The following SPCS1 variants were observed in gnomAD, a reference collection of about 807,000 sequenced individuals.
SPCS1 encodes the protein SPase 12 kDa subunit.
Under a neutral mutation model 16.4 loss-of-function variants are expected in SPCS1, and 10 were observed. The ratio of observed to expected loss-of-function variants is 0.61; its 90% CI spans 0.38 to 1.03. SPCS1 has a LOEUF of 1.03. SPCS1 is among the 50% of genes least tolerant of loss of function. The pLI, the probability that SPCS1 is intolerant of heterozygous loss-of-function variation, is 0.01. For synonymous variants in SPCS1, 47 were observed against 42.5 expected (o/e 1.10, Z -0.41); for missense variants, 118 against 123.8 (o/e 0.95, Z 0.22).
chr3:52,709,850 A>T lies in SPCS1; in HGVS notation c.*2038A>T, dbSNP rs916916404. On this transcript the variant is annotated 3_prime_UTR_variant, in exon 4 of 4. Coordinates refer to ENST00000619898, the MANE Select transcript of SPCS1 (RefSeq NM_014041.5). The stretch of plus-strand genomic sequence containing the variant: ...CCAAAACATGCACGGAAAGGTGAAT[A>T]GCTCAAGGATACCAAGTTTGCCAAA... The T allele has an allele frequency of 2.0e-5, 3 of 152,214 alleles. No homozygotes were observed. The highest frequency in any genetic ancestry group is 7.2e-5 in the African/African-American group (3 of 41,454). 9.4% of individuals were successfully genotyped at this position (152,214 alleles called of 1,614,324 possible).
At position 52,707,761 on chromosome 3, in the gene SPCS1, C is replaced by G; in HGVS notation, c.258C>G (p.Asp86Glu). The change falls in exon 4 of 4, where the codon GAC (aspartate) becomes GAG (glutamate). Residue 86 changes from aspartate to glutamate, a missense_variant. Physicochemically the swap from Asp to Glu is conservative, Grantham distance 45. Transcript: ENST00000619898. ...TACCTGTTCAAGAATCAAGCACAGA[C>G]GACAAGAAACCAGGGGAAAGAAAAA... ...KWLPVQESST[D>E]DKKPGERKIK... The G allele has an allele frequency of 3.7e-6, 6 of 1,613,826 alleles. No individual in the cohort carries two copies. The highest frequency in any genetic ancestry group is 3.4e-6 in the Non-Finnish European group (4 of 1,179,982).
Position 52,707,954 on chromosome 3 carries a change from C to G in SPCS1, c.*142C>G. 18 of 1,067,244 alleles carry G rather than the reference C, an allele frequency of 1.7e-5. No individual in the cohort carries two copies. The highest frequency in any genetic ancestry group is 2.4e-5 in the Non-Finnish European group (18 of 738,420). 66.1% of individuals were successfully genotyped at this position (1,067,244 alleles called of 1,614,324 possible). The stretch of plus-strand genomic sequence containing the variant: ...AGTTCTCTTTATACTTCATTTCTAG[C>G]CCAGTTGGGTTTTGATTTATATAAG... On this transcript the variant is annotated 3_prime_UTR_variant, in exon 4 of 4. Transcript: ENST00000619898.
rs1561273105 is a variant in SPCS1 at position 52,706,688 on chromosome 3, T to A, written c.81T>A (p.Ile27=). The change falls in exon 2 of 4, where the codon ATT becomes ATA. Residue 27 remains isoleucine, a synonymous_variant. Coordinates refer to ENST00000619898, the MANE Select transcript of SPCS1 (RefSeq NM_014041.5). ...TAGCTGAACAGATGTTTCAGGGAATTATTCTTTTTTCTGCAGTAAGTATTG... is the reference window on the plus strand; with the variant it reads ...TAGCTGAACAGATGTTTCAGGGAATAATTCTTTTTTCTGCAGTAAGTATTG... ...QKLAEQMFQG[I]ILFSAIVGFI... 4 of 1,613,924 alleles carry A rather than the reference T, an allele frequency of 2.5e-6. No individual in the cohort carries two copies. Among genetic ancestry groups the A allele is most frequent in the Non-Finnish European group, 3.4e-6 (4 of 1,179,970 alleles).
intron 1 of SPCS1, 43 bp from the exon 2 acceptor site, chr3:52,706,601 T>G: frequency 6.3e-7 from 1 of 1,585,430 alleles, no homozygotes. Flanking sequence ...TTGTATGTTC[T>G]CGGCGGTGGA....
chr3:52,707,560 T>C (rs1288721961), intron 3 of SPCS1, 127 bp from the exon 4 acceptor site: 25 of 937,880 alleles, frequency 2.7e-5, no homozygotes, highest in Non-Finnish European at 3.6e-5. Flanking sequence ...TTTATAGGAA[T>C]ATGGATTTTT....
chr3:52,706,407 C>T lies in SPCS1; in HGVS notation c.36+125C>T, dbSNP rs1158894085. 16 of 1,059,504 alleles carry T rather than the reference C, an allele frequency of 1.5e-5. No individual in the cohort carries two copies. In the Admixed American group the frequency reaches 1.9e-4, roughly 12 times the overall value. 65.6% of individuals were successfully genotyped at this position (1,059,504 alleles called of 1,614,324 possible). On this transcript the variant is annotated intron_variant, in intron 1 of 3. Coordinates refer to ENST00000619898, the MANE Select transcript of SPCS1 (RefSeq NM_014041.5). ...CGGATGGTTACCGTCCACCCTCTTT[C>T]CCGAATTGCCTCCTGGGTCCCCTTC...
chr3:52,709,371 G>A lies in SPCS1; in HGVS notation c.*1559G>A, dbSNP rs2097348066. The A allele has an allele frequency of 6.6e-6, 1 of 151,968 alleles. No homozygotes were observed. The highest frequency in any genetic ancestry group is 1.5e-5 in the Non-Finnish European group (1 of 67,986). The allele number at this position is 151,968 out of a possible 1,614,324, so 9.4% of individuals were successfully genotyped here. A position where few individuals can be genotyped will look rare whatever the true frequency, so the allele number is the denominator to read the frequency against. On this transcript the variant is annotated 3_prime_UTR_variant, in exon 4 of 4. Coordinates refer to ENST00000619898, the MANE Select transcript of SPCS1 (RefSeq NM_014041.5). ...AACGATAAAAGTGGGAAGAAAAGAT[G>A]TTTAAACAAAATAAAAATATACAGT...
Position 52,707,954 on chromosome 3 carries a change from C to A in SPCS1, c.*142C>A. On this transcript the variant is annotated 3_prime_UTR_variant, in exon 4 of 4. Coordinates refer to ENST00000619898, the MANE Select transcript of SPCS1 (RefSeq NM_014041.5). ...AGTTCTCTTTATACTTCATTTCTAGCCCAGTTGGGTTTTGATTTATATAAG... is the reference window on the plus strand; with the variant it reads ...AGTTCTCTTTATACTTCATTTCTAGACCAGTTGGGTTTTGATTTATATAAG... 1.9e-6 allele frequency: 2 copies of A among 1,067,244 alleles called. No homozygotes were observed. Among genetic ancestry groups the A allele is most frequent in the Non-Finnish European group, 2.7e-6 (2 of 738,420 alleles). 66.1% of individuals were successfully genotyped at this position (1,067,244 alleles called of 1,614,324 possible).
In SPCS1 at chr3:52,707,927, T is replaced by G. The variant is rs2097346280; in HGVS notation, c.*115T>G. On this transcript the variant is annotated 3_prime_UTR_variant, in exon 4 of 4. Coordinates refer to ENST00000619898, the MANE Select transcript of SPCS1 (RefSeq NM_014041.5). ...TCTTATGGCACAGCTGTGTATAGAT[T>G]TAGTTCTCTTTATACTTCATTTCTA... The G allele has an allele frequency of 1.6e-6, 2 of 1,284,530 alleles. No individual in the cohort carries two copies. Among genetic ancestry groups the G allele is most frequent in the African/African-American group, 1.5e-5 (1 of 67,270 alleles). The allele number at this position is 1,284,530 out of a possible 1,614,324, so 79.6% of individuals were successfully genotyped here. A position where few individuals can be genotyped will look rare whatever the true frequency, so the allele number is the denominator to read the frequency against.
chr3:52,707,857 T>C lies in SPCS1; in HGVS notation c.*45T>C, dbSNP rs2097346218. 2.5e-6 allele frequency: 4 copies of C among 1,611,594 alleles called. No individual in the cohort carries two copies. In the African/African-American group the frequency reaches 4.0e-5, roughly 16 times the overall value. On this transcript the variant is annotated 3_prime_UTR_variant, in exon 4 of 4. Coordinates refer to ENST00000619898, the MANE Select transcript of SPCS1 (RefSeq NM_014041.5). ...CTGCTTTTGTTTCTGTGAGATGAGC[T>C]AAATTGCTTTCATACCCCAGATAAG...
rs1297064398 is a variant in SPCS1, at chr3:52,710,910, T to C, written c.*3098T>C. On this transcript the variant is annotated 3_prime_UTR_variant, in exon 4 of 4. Transcript: ENST00000619898. ...GTATTACCTCTTATTAAACAACTAA[T>C]AAAATATGTGCTATATAATCATACA... The C allele has an allele frequency of 6.6e-6, 1 of 152,498 alleles. No individual in the cohort carries two copies. Among genetic ancestry groups the C allele is most frequent in the Non-Finnish European group, 1.5e-5 (1 of 68,022 alleles). The allele number at this position is 152,498 out of a possible 1,614,324, so 9.4% of individuals were successfully genotyped here. A position where few individuals can be genotyped will look rare whatever the true frequency, so the allele number is the denominator to read the frequency against.
Position 52,709,302 on chromosome 3 carries a change from G to A in SPCS1, c.*1490G>A, listed in dbSNP as rs961902600. 3.3e-5 allele frequency: 5 copies of A among 152,008 alleles called. No individual in the cohort carries two copies. Among genetic ancestry groups the A allele is most frequent in the Admixed American group, 6.6e-5 (1 of 15,248 alleles). 9.4% of individuals were successfully genotyped at this position (152,008 alleles called of 1,614,324 possible). ...AGAAAATTCACAGTCTTAAAGATGA[G>A]TTTTTAAATTAATTTAGGAAGATGA... On this transcript the variant is annotated 3_prime_UTR_variant, in exon 4 of 4. Coordinates refer to ENST00000619898, the MANE Select transcript of SPCS1 (RefSeq NM_014041.5).
chr3:52,706,319 T>C (rs2097344685), intron 1 of SPCS1, 37 bp downstream of exon 1: 2 of 1,581,142 alleles, frequency 1.3e-6, no homozygotes, highest in South Asian at 1.1e-5. Flanking sequence ...CACGCCGTTC[T>C]TGTGCCTGGC....
In SPCS1 at chr3:52,710,927, A is replaced by C. The variant is rs1238243500; in HGVS notation, c.*3115A>C. ...ACAACTAATAAAATATGTGCTATAT[A>C]ATCATACATTTAAAACATGGAAAGA... On this transcript the variant is annotated 3_prime_UTR_variant, in exon 4 of 4. Transcript: ENST00000619898. 6.6e-6 allele frequency: 1 copy of C among 152,612 alleles called. No individual in the cohort carries two copies. Among genetic ancestry groups the C allele is most frequent in the Non-Finnish European group, 1.5e-5 (1 of 68,044 alleles). 9.5% of individuals were successfully genotyped at this position (152,612 alleles called of 1,614,324 possible).
rs200752443 is a variant in SPCS1 at position 52,709,181 on chromosome 3, C to CA, written c.*1385dup. ...CCTGGGCAACAAGAAGACTCCATCTCAAAAAAAAAAAAAAAAGAATGATTG... is the reference window on the plus strand; with the variant it reads ...CCTGGGCAACAAGAAGACTCCATCTCAAAAAAAAAAAAAAAAAGAATGATTG... On this transcript the variant is annotated 3_prime_UTR_variant, in exon 4 of 4. Coordinates refer to ENST00000619898, the MANE Select transcript of SPCS1 (RefSeq NM_014041.5). 8,558 of 82,660 alleles carry CA rather than the reference C, an allele frequency of 0.1. 507 individuals are homozygous for CA. The highest frequency in any genetic ancestry group is 0.23 in the African/African-American group (5,384 of 23,518). 5.1% of individuals were successfully genotyped at this position (82,660 alleles called of 1,614,324 possible).
intron 3 of SPCS1, 77 bp downstream of exon 3, chr3:52,706,956 A>C: frequency 9.9e-7 from 1 of 1,015,024 alleles, no homozygotes; most frequent in South Asian, 1.3e-5. Context: ...CTCAGTAGTG[A>C]GACCCAAAGC....
At position 52,706,788 on chromosome 3, in the gene SPCS1, T is replaced by C; in HGVS notation, c.97-5T>C. Reference sequence around the variant, plus strand: ...GTGTGTTTAATATACTTCATTTGTCTCTAGATAGTTGGATTTATCTACGGG... The same window carrying C: ...GTGTGTTTAATATACTTCATTTGTCCCTAGATAGTTGGATTTATCTACGGG... On this transcript the variant is annotated splice_region_variant and splice_polypyrimidine_tract_variant and intron_variant, in intron 2 of 3. Transcript: ENST00000619898. 6.2e-7 allele frequency: 1 copy of C among 1,613,382 alleles called. No homozygotes were observed.
chr3:52,707,560 T>A, intron 3 of SPCS1, 127 bp from the exon 4 acceptor site: 1 of 937,878 alleles, frequency 1.1e-6, no homozygotes, highest in Non-Finnish European at 1.6e-6. Flanking sequence ...TTTATAGGAA[T>A]ATGGATTTTT....
chr3:52,706,523 C>T, intron 1 of SPCS1, 121 bp from the exon 2 acceptor site: 2 of 986,058 alleles, frequency 2.0e-6, no homozygotes, highest in East Asian at 2.5e-5. Flanking sequence ...TTGCCCAGGC[C>T]CTTAGGAGAG....
Sources: gnomAD v4.1 joint callset for allele counts on GRCh38, gnomAD v4.1.1 for gene constraint, MANE v1.5 for transcripts, NCBI Gene and HGNC (gene_info 2026-07-23, HGNC 2026-07-21) for gene names.